ARMC1: variants seen among roughly 807,000 people sequenced by gnomAD.
ARMC1 encodes the protein armadillo repeat containing 1, also known as armadillo repeat-containing protein 1.
Under a neutral mutation model 31.4 loss-of-function variants are expected in ARMC1, and 16 were observed. The observed-to-expected ratio is 0.51, with a 90% CI of 0.34 to 0.77. The LOEUF (loss-of-function observed/expected upper bound fraction) is 0.77, where lower values mean the gene tolerates loss of function less well. Among genes scored for constraint, ARMC1 ranks in the 30% least tolerant of loss-of-function variants. The pLI is 0.01. For missense variants in ARMC1, 259 were observed against 347.5 expected, an observed-to-expected ratio of 0.75 and a Z score of 2.02; for synonymous variants, 114 against 118.9, an observed-to-expected ratio of 0.96 and a Z score of 0.27.
At chr8:65,617,528 T>C (rs1018422040) in intron 3 of ARMC1, among the ~76,000 whole-genome samples, 2 of 152,018 alleles carry the variant, frequency 1.3e-5, no homozygotes, top group Non-Finnish European at 2.9e-5. Flanking sequence ...AGACCTTTGT[T>C]CACTTGTTTA....
intron 1 of ARMC1, 29 bp from the exon 2 acceptor site, chr8:65,627,462 T>C: frequency 7.3e-7 from 1 of 1,373,304 alleles, no homozygotes; most frequent in East Asian, 2.4e-5. Flanking sequence ...GAATTAGTTC[T>C]AGGCTGCTGA....
At chr8:65,631,338 A>C (rs900030070) in intron 1 of ARMC1, among the ~76,000 whole-genome samples, 5 of 152,132 alleles carry the variant, frequency 3.3e-5, no homozygotes, top group African/African-American at 1.2e-4. Flanking sequence ...AGGTTCAAGC[A>C]ATTCTCCTGC....
At chr8:65,632,668 G>A (rs1258609933) in intron 1 of ARMC1, among the ~76,000 whole-genome samples, 1 of 151,982 alleles carries the variant, frequency 6.6e-6, no homozygotes, top group Non-Finnish European at 1.5e-5. Context: ...CGGGCACAGT[G>A]GCTCACGCCT....
At chr8:65,613,219 CT>C (rs771977325) in intron 4 of ARMC1, 24 bp downstream of exon 4, 4 of 1,530,904 alleles carry the variant, frequency 2.6e-6, no homozygotes, top group Non-Finnish European at 3.5e-6. Context: ...AACATGATTT[CT>C]CTTTCCCATC....
intron 1 of ARMC1, among the ~76,000 whole-genome samples, chr8:65,630,639 T>C (rs1229691275): frequency 6.6e-6 from 1 of 152,086 alleles, no homozygotes; most frequent in Non-Finnish European, 1.5e-5. Flanking sequence ...GCCAGCATGG[T>C]GAAACTCCGT....
intron 1 of ARMC1, among the ~76,000 whole-genome samples, chr8:65,633,484 G>A (rs191626169): frequency 2.6e-3 from 397 of 152,292 alleles, no homozygotes; most frequent in Non-Finnish European, 4.5e-3. Flanking sequence ...GGGGACATCT[G>A]TCCTGCCAGG....
intron 3 of ARMC1, among the ~76,000 whole-genome samples, chr8:65,614,379 A>G (rs1159097161): frequency 6.6e-6 from 1 of 152,192 alleles, no homozygotes; most frequent in Non-Finnish European, 1.5e-5. Context: ...CTCCACTCAC[A>G]TGAGGCTACT....
chr8:65,604,497 T>G lies in ARMC1; in HGVS notation c.746A>C (p.Lys249Thr). 2 of 1,614,176 alleles carry G rather than the reference T, an allele frequency of 1.2e-6. No homozygotes were observed. Among genetic ancestry groups the G allele is most frequent in the Non-Finnish European group, 1.7e-6 (2 of 1,180,038 alleles). The change falls in exon 7 of 7, where the codon AAG (lysine) becomes ACG (threonine). Residue 249 changes from lysine (K) to threonine (T), a missense_variant. Coordinates refer to ENST00000276569, the MANE Select transcript of ARMC1 (RefSeq NM_018120.6). Reference protein sequence around the residue: ...DYLPEDESPTKEQDKAVSRVG... With the variant: ...DYLPEDESPTTEQDKAVSRVG... Reference sequence around the variant, plus strand: ...CCGGGACACCGCTTTGTCCTGTTCCTTTGTGGGACTCTCATCCTCAGGCAG... The same window carrying G: ...CCGGGACACCGCTTTGTCCTGTTCCGTTGTGGGACTCTCATCCTCAGGCAG...
chr8:65,619,558 T>C (rs1430498428), intron 3 of ARMC1, among the ~76,000 whole-genome samples: 1 of 151,582 alleles, frequency 6.6e-6, no homozygotes, highest in Admixed American at 6.6e-5. Flanking sequence ...AAAAGAAATT[T>C]TCGAGCAGCT....
intron 3 of ARMC1, among the ~76,000 whole-genome samples, chr8:65,617,990 ACTGCCACCTCCAC>A (rs1808310670): frequency 6.6e-6 from 1 of 151,956 alleles, no homozygotes; most frequent in Admixed American, 6.6e-5. Context: ...ATCTTGGCTC[ACTGCCACCTCCAC>A]CTCCCGGGTT....
At chr8:65,623,264 T>TAC (rs1808433735) in intron 2 of ARMC1, among the ~76,000 whole-genome samples, 1 of 108,684 alleles carries the variant, frequency 9.2e-6, no homozygotes, top group Non-Finnish European at 1.7e-5. Context: ...GCCGAGATCG[T>TAC]GCTGCCGCAC....
chr8:65,633,836 G>A (rs1226202138), intron 1 of ARMC1, 162 bp downstream of exon 1: 4 of 152,316 alleles, frequency 2.6e-5, no homozygotes, highest in Non-Finnish European at 4.4e-5. Context: ...GGACACGTGG[G>A]GGTAGAGCGT....
At chr8:65,614,425 A>T (rs1416612737) in intron 3 of ARMC1, among the ~76,000 whole-genome samples, 9 of 152,370 alleles carry the variant, frequency 5.9e-5, no homozygotes, top group East Asian at 3.9e-4. Flanking sequence ...ACTAAAAAAA[A>T]TTAATTTACC....
Position 65,627,261 on chromosome 8 carries a change from T to C in ARMC1, c.138A>G (p.Leu46=), listed in dbSNP as rs199551552. 1 of 1,609,654 alleles carries C rather than the reference T, an allele frequency of 6.2e-7. No individual in the cohort carries two copies. Among genetic ancestry groups the C allele is most frequent in the Non-Finnish European group, 8.5e-7 (1 of 1,177,846 alleles). Residue 46 remains leucine (L), a synonymous_variant, in exon 2 of 7, where the codon TTA becomes TTG. Transcript: ENST00000276569. ...QDQGCLPGLI[L]FMDHPNPPVV... The stretch of plus-strand genomic sequence containing the variant: ...CTGGAGGGTTGGGATGGTCCATAAA[T>C]AAAATAAGGCCAGGCAGACATCCCT...
intron 4 of ARMC1, among the ~76,000 whole-genome samples, chr8:65,606,285 C>G (rs1439958552): frequency 1.3e-5 from 2 of 149,902 alleles, no homozygotes; most frequent in African/African-American, 4.9e-5. Context: ...CACTTGAACC[C>G]GGGAGGCGGA....
intron 4 of ARMC1, among the ~76,000 whole-genome samples, chr8:65,609,616 T>C (rs1367756168): frequency 6.6e-6 from 1 of 151,904 alleles, no homozygotes; most frequent in Non-Finnish European, 1.5e-5. Flanking sequence ...TCCCAACACT[T>C]TGGGAGGCCA....
In ARMC1 at chr8:65,622,221, AG is replaced by A. The variant is rs765228014; in HGVS notation, c.275+41del. On this transcript the variant is annotated intron_variant, in intron 3 of 6. Transcript: ENST00000276569. ...TGAGGCCCTGTAAGTAAGTAATATA[AG>A]TAAGTATATAAATAAATGAGACACT... 6.1e-6 allele frequency: 9 copies of A among 1,481,162 alleles called. No homozygotes were observed. The African/African-American group carries it at 9.7e-5, about 16-fold the overall frequency. The allele number at this position is 1,481,162 out of a possible 1,614,324, so 91.8% of individuals were successfully genotyped here.
intron 6 of ARMC1, 29 bp from the exon 7 acceptor site, chr8:65,604,614 C>T (rs201174215): frequency 5.2e-5 from 83 of 1,596,230 alleles, no homozygotes; most frequent in Non-Finnish European, 7.0e-5. Flanking sequence ...AGAGTTATTA[C>T]AAAATCAACT....
chr8:65,619,018 G>A (rs1384494849), intron 3 of ARMC1, among the ~76,000 whole-genome samples: 1 of 152,026 alleles, frequency 6.6e-6, no homozygotes, highest in African/African-American at 2.4e-5. Context: ...ACTACAGCCT[G>A]GGCTACAGAG....
Sources: gnomAD v4.1 joint callset for allele counts (sites outside exome capture counted in the v4.1 genomes callset) on GRCh38, gnomAD v4.1.1 for gene constraint, MANE v1.5 for transcripts, NCBI Gene and HGNC (gene_info 2026-07-23, HGNC 2026-07-21) for gene names.